Variants in SUCLG1 observed in about 807,000 individuals in gnomAD.
SUCLG1 encodes succinate--CoA ligase [ADP/GDP-forming] subunit alpha, mitochondrial.
A neutral mutation model predicts 37.3 loss-of-function variants in SUCLG1; 26 were observed. The ratio of observed to expected loss-of-function variants is 0.70; its 90% confidence interval spans 0.51 to 0.97. SUCLG1 has a LOEUF of 0.97. Ranked by LOEUF, SUCLG1 falls within the 50% of genes least tolerant of loss-of-function variation. The pLI, the probability that SUCLG1 is intolerant of heterozygous loss-of-function variation, is 0.00. For missense variants in SUCLG1, 433 were observed against 432.9 expected, an observed-to-expected ratio of 1.00 and a Z score of 0.00; for synonymous variants, 163 against 155.6, an observed-to-expected ratio of 1.05 and a Z score of -0.36.
At chr2:84,435,030 G>A (rs1236120278) in intron 5 of SUCLG1, among the ~76,000 whole-genome samples, 1 of 152,176 alleles carries the variant, frequency 6.6e-6, no homozygotes, top group Non-Finnish European at 1.5e-5. Context: ...CCTCGACGAT[G>A]CCTCACTTCA....
chr2:84,423,895 T>C (rs957049053), intron 8 of SUCLG1, 123 bp from the exon 9 acceptor site: 3 of 1,045,592 alleles, frequency 2.9e-6, no homozygotes, highest in Non-Finnish European at 4.2e-6. Flanking sequence ...ACAATCAAAT[T>C]ACAGAAGAAA....
intron 2 of SUCLG1, among the ~76,000 whole-genome samples, chr2:84,448,622 C>T (rs1317256087): frequency 6.6e-6 from 1 of 151,100 alleles, no homozygotes; most frequent in East Asian, 1.9e-4. Context: ...TGGTTATACT[C>T]TAATTGATTT....
intron 3 of SUCLG1, among the ~76,000 whole-genome samples, chr2:84,442,674 A>C (rs1189962788): frequency 6.6e-6 from 1 of 152,228 alleles, no homozygotes; most frequent in East Asian, 1.9e-4. Context: ...TTTAATTTAA[A>C]AATCATTTTA....
chr2:84,449,616 T>A, intron 2 of SUCLG1, 33 bp downstream of exon 2: 1 of 1,379,056 alleles, frequency 7.3e-7, no homozygotes, highest in Non-Finnish European at 1.0e-6. Flanking sequence ...ATCTCTAGTC[T>A]ACATTTGAAA....
At chr2:84,444,373 TC>T (rs1672816701) in intron 2 of SUCLG1, among the ~76,000 whole-genome samples, 1 of 152,158 alleles carries the variant, frequency 6.6e-6, no homozygotes, top group Non-Finnish European at 1.5e-5. Context: ...GTCGGCAGGT[TC>T]CATGATGCCC....
intron 5 of SUCLG1, among the ~76,000 whole-genome samples, chr2:84,435,790 C>G (rs917407840): frequency 6.6e-6 from 1 of 152,144 alleles, no homozygotes; most frequent in Non-Finnish European, 1.5e-5. Flanking sequence ...AAGAGGGTCC[C>G]CCAGCATTAG....
At chr2:84,427,383 T>C (rs1225988875) in intron 7 of SUCLG1, among the ~76,000 whole-genome samples, 1 of 152,266 alleles carries the variant, frequency 6.6e-6, no homozygotes, top group Non-Finnish European at 1.5e-5. Flanking sequence ...CTCATTAATC[T>C]GTCTTGCACT....
At chr2:84,446,727 GA>G (rs1176596952) in intron 2 of SUCLG1, among the ~76,000 whole-genome samples, 3 of 151,854 alleles carry the variant, frequency 2.0e-5, no homozygotes, top group Non-Finnish European at 4.4e-5. Context: ...GAGGGAGGGG[GA>G]AAATCTAATT....
chr2:84,431,421 T>A (rs1403449744), intron 7 of SUCLG1, 87 bp downstream of exon 7: 1 of 1,565,594 alleles, frequency 6.4e-7, no homozygotes, highest in Non-Finnish European at 8.7e-7. Flanking sequence ...TCTCAAAAAA[T>A]TCACCTTTGA....
At chr2:84,443,500 G>A (rs897504240) in intron 2 of SUCLG1, 100 bp from the exon 3 acceptor site, 1 of 927,708 alleles carries the variant, frequency 1.1e-6, no homozygotes, top group Admixed American at 1.9e-5. Flanking sequence ...AAACAAATAG[G>A]TTAACTATTC....
intron 1 of SUCLG1, among the ~76,000 whole-genome samples, chr2:84,453,945 A>C (rs1404189875): frequency 8.5e-5 from 13 of 152,228 alleles, no homozygotes; most frequent in African/African-American, 1.2e-4. Flanking sequence ...GCCTTCCAGC[A>C]GCCATGTAAC....
intron 1 of SUCLG1, 80 bp downstream of exon 1, chr2:84,459,093 C>G: frequency 7.0e-7 from 1 of 1,420,346 alleles, no homozygotes. Context: ...GAGGGCCCAG[C>G]CGCGGCCTGG....
At chr2:84,445,176 T>C (rs111263534) in intron 2 of SUCLG1, among the ~76,000 whole-genome samples, 9,174 of 152,256 alleles carry the variant, frequency 0.06, 616 homozygotes, top group African/African-American at 0.17. Flanking sequence ...TGTTCAGAGA[T>C]TGCAGTAAAG....
chr2:84,434,785 CA>C (rs987023990), intron 5 of SUCLG1, among the ~76,000 whole-genome samples: 15 of 152,096 alleles, frequency 9.9e-5, no homozygotes, highest in African/African-American at 3.6e-4. Flanking sequence ...CACTCTTAAA[CA>C]AAGTGCTATG....
intron 5 of SUCLG1, among the ~76,000 whole-genome samples, chr2:84,435,916 C>G (rs1310545489): frequency 1.3e-5 from 2 of 152,236 alleles, no homozygotes; most frequent in Admixed American, 6.5e-5. Context: ...GCCAGCCAGT[C>G]AGCCGTTCCT....
At chr2:84,425,975 C>A (rs893785637) in intron 7 of SUCLG1, 2 of 311,610 alleles carry the variant, frequency 6.4e-6, no homozygotes, top group Non-Finnish European at 1.2e-5. Context: ...TAATATTATG[C>A]CTTAATTCAT....
At chr2:84,456,183 G>A (rs1243842759) in intron 1 of SUCLG1, among the ~76,000 whole-genome samples, 1 of 152,098 alleles carries the variant, frequency 6.6e-6, no homozygotes, top group Non-Finnish European at 1.5e-5. Flanking sequence ...GGAAAAGGAA[G>A]GCAACACCTT....
intron 7 of SUCLG1, among the ~76,000 whole-genome samples, chr2:84,429,000 C>T (rs4831969): frequency 0.89 from 134,912 of 152,266 alleles, 60,211 homozygotes; most frequent in Non-Finnish European, 0.93. Context: ...AAACAACTTA[C>T]CAAAGCATCA....
chr2:84,458,215 T>C (rs1200582576), intron 1 of SUCLG1, among the ~76,000 whole-genome samples: 1 of 152,116 alleles, frequency 6.6e-6, no homozygotes, highest in Admixed American at 6.6e-5. Context: ...TGACAACCAC[T>C]GGTGTGTCAC....
Sources: allele counts gnomAD v4.1 joint callset (sites outside exome capture counted in the v4.1 genomes callset), GRCh38; gene constraint gnomAD v4.1.1; transcripts MANE v1.5; gene names NCBI Gene and HGNC (gene_info 2026-07-23, HGNC 2026-07-21).